Variants in EML2 observed in about 807,000 individuals in gnomAD.
EML2 encodes echinoderm microtubule-associated protein-like 2.
Under a neutral mutation model 84.7 loss-of-function variants are expected in EML2, and 59 were observed. That is an observed-to-expected ratio of 0.70 (90% CI 0.56 to 0.86). The LOEUF is 0.86. EML2 is among the 40% of genes least tolerant of loss of function. The probability of loss-of-function intolerance (pLI) is 0.00; values close to 1 mark genes in which losing one functional copy is unlikely to be tolerated. For missense variants in EML2, 818 were observed against 855.6 expected (o/e 0.96, Z 0.55); for synonymous variants, 352 against 348.9 (o/e 1.01, Z -0.10).
upstream of EML2, chr19:45,642,792 C>T: frequency 6.6e-6 from 1 of 152,566 alleles, no homozygotes; most frequent in African/African-American, 2.4e-5. Flanking sequence ...GAAACCCCGT[C>T]TCTACTAAAA....
At chr19:45,611,000 A>G (rs1035712706) in intron 18 of EML2, among the ~76,000 whole-genome samples, 1 of 152,212 alleles carries the variant, frequency 6.6e-6, no homozygotes, top group Non-Finnish European at 1.5e-5. Context: ...GTTCAAACAA[A>G]CCAACCATAG....
Position 45,626,380 on chromosome 19 carries a change from CTTTTTTTTTT to C in EML2, c.741+315_741+324del, listed in dbSNP as rs35850853. ...TCTTCATCCCTTTGAATCCTCACAA[CTTTTTTTTTT>C]TTTTTTTTTTTTTTTTTCTGAGATA... On this transcript the variant is annotated intron_variant, in intron 8 of 18. Coordinates refer to ENST00000245925, the MANE Select transcript of EML2 (RefSeq NM_012155.4). Among the ~76,000 whole-genome samples the C allele has an allele frequency of 7.6e-5, 6 of 79,450 alleles. 1 individual carries two copies. In the East Asian group the frequency reaches 1.8e-3, roughly 24 times the overall value. 52.1% of individuals were successfully genotyped at this position (79,450 alleles called of 152,430 possible). A position where few individuals can be genotyped will look rare whatever the true frequency, so the allele number is the denominator to read the frequency against.
Position 45,638,876 on chromosome 19 carries a change from G to A in EML2, c.21-3C>T. On this transcript the variant is annotated splice_region_variant and splice_polypyrimidine_tract_variant and intron_variant, in intron 1 of 18. Transcript: ENST00000245925. ...TGAAGATAACTTCTTTGGTTTTGCT[G>A]TCAGGAAAGGACAAAGAAAAAAAAA... is the stretch of plus-strand genomic sequence containing the variant. The A allele has an allele frequency of 2.5e-6, 4 of 1,613,462 alleles. No homozygotes were observed. Among genetic ancestry groups the A allele is most frequent in the Non-Finnish European group, 3.4e-6 (4 of 1,179,928 alleles).
chr19:45,641,682 C>G, upstream of EML2: 3 of 1,536,180 alleles, frequency 2.0e-6, no homozygotes, highest in South Asian at 1.2e-5. Flanking sequence ...AGGATGTGGT[C>G]CGGCTGCGGG....
chr19:45,610,110 A>G (rs1029626047), intron 18 of EML2, among the ~76,000 whole-genome samples: 1 of 152,202 alleles, frequency 6.6e-6, no homozygotes, highest in South Asian at 2.1e-4. Context: ...TTTAAGAACC[A>G]ACAGAGGCCA....
chr19:45,643,543 G>A, upstream of EML2: 4 of 1,535,486 alleles, frequency 2.6e-6, no homozygotes, highest in Non-Finnish European at 3.5e-6. Flanking sequence ...AGACCGAAGT[G>A]GCCCCTCTCC....
At chr19:45,616,329 C>T (rs968322702) in intron 15 of EML2, 132 bp downstream of exon 15, 14 of 671,714 alleles carry the variant, frequency 2.1e-5, no homozygotes, top group Non-Finnish European at 3.0e-5. Context: ...TGGACGTGGC[C>T]AAGACTCCTT....
chr19:45,613,752 A>C lies in EML2; in HGVS notation c.1694-81T>G, dbSNP rs1970736383. 52 of 1,549,654 alleles carry C rather than the reference A, an allele frequency of 3.4e-5. No individual in the cohort carries two copies. The South Asian group carries it at 5.9e-4, about 17-fold the overall frequency. On this transcript the variant is annotated intron_variant, in intron 17 of 18. Coordinates refer to ENST00000245925, the MANE Select transcript of EML2 (RefSeq NM_012155.4). Reference sequence around the variant, plus strand: ...AGAGGAGCAGATTGCCACTCCAGCCACCTTAATTTGTTCCGACCTAGCCTG... The same window carrying C: ...AGAGGAGCAGATTGCCACTCCAGCCCCCTTAATTTGTTCCGACCTAGCCTG...
At chr19:45,621,383 TG>T in intron 10 of EML2, 51 bp from the exon 11 acceptor site, 1 of 1,574,538 alleles carries the variant, frequency 6.4e-7, no homozygotes. Flanking sequence ...CGGGTGGGTG[TG>T]GGGTGACATA....
intron 9 of EML2, 31 bp downstream of exon 9, chr19:45,624,688 T>C: frequency 6.4e-7 from 1 of 1,559,072 alleles, no homozygotes; most frequent in Non-Finnish European, 8.8e-7. Flanking sequence ...GAAGACTGGA[T>C]TGGGAACCAA....
chr19:45,641,868 T>C (rs898344274), upstream of EML2: 2 of 1,473,728 alleles, frequency 1.4e-6, no homozygotes, highest in Non-Finnish European at 1.8e-6. Flanking sequence ...ACCACCTCTG[T>C]CTCCCACGAG....
chr19:45,639,526 C>T, upstream of EML2: 2 of 754,056 alleles, frequency 2.7e-6, no homozygotes, highest in East Asian at 3.4e-5. Flanking sequence ...TCACACATCC[C>T]GGGCTGTGGA....
Position 45,632,988 on chromosome 19 carries a change from C to T in EML2, c.400-17G>A. Reference sequence around the variant, plus strand: ...CGGCAGCGGCTGCAGGGAAGAGAGGCTTGTTACCTTGGGGGTGCCAGCTGC... The same window carrying T: ...CGGCAGCGGCTGCAGGGAAGAGAGGTTTGTTACCTTGGGGGTGCCAGCTGC... On this transcript the variant is annotated splice_polypyrimidine_tract_variant and intron_variant, in intron 5 of 18. Transcript: ENST00000245925. 1 of 1,610,104 alleles carries T rather than the reference C, an allele frequency of 6.2e-7. No individual in the cohort carries two copies. The highest frequency in any genetic ancestry group is 8.5e-7 in the Non-Finnish European group (1 of 1,178,808).
chr19:45,634,572 A>T (rs916641394), intron 3 of EML2, 101 bp from the exon 4 acceptor site: 372 of 925,540 alleles, frequency 4.0e-4, no homozygotes, highest in South Asian at 7.5e-4. Flanking sequence ...TTATTTATTT[A>T]TTTTTTTGAG....
chr19:45,609,836 C>A (rs760276339), intron 18 of EML2, 48 bp from the exon 19 acceptor site: 73 of 1,596,578 alleles, frequency 4.6e-5, no homozygotes, highest in Non-Finnish European at 5.9e-5. Flanking sequence ...GGGGACAATG[C>A]CACCCCATCA....
chr19:45,641,918 C>G (rs1182324082), upstream of EML2: 2 of 1,442,510 alleles, frequency 1.4e-6, no homozygotes, highest in African/African-American at 1.4e-5. Context: ...TGTGCCTTAC[C>G]TGCGCCCGGA....
Position 45,624,695 on chromosome 19 carries a change from C to A in EML2, c.841+24G>T, listed in dbSNP as rs771135544. On this transcript the variant is annotated intron_variant, in intron 9 of 18. Coordinates refer to ENST00000245925, the MANE Select transcript of EML2 (RefSeq NM_012155.4). The stretch of plus-strand genomic sequence containing the variant: ...GTGTTTCAGAAGACTGGATTGGGAA[C>A]CAAACAGATGGGGTGACACTGACCT... 3.2e-6 allele frequency: 5 copies of A among 1,586,792 alleles called. No homozygotes were observed. The Admixed American group carries it at 8.5e-5, about 27-fold the overall frequency.
intron 8 of EML2, 85 bp downstream of exon 8, chr19:45,626,620 C>T: frequency 6.8e-7 from 1 of 1,480,050 alleles, no homozygotes; most frequent in Non-Finnish European, 9.1e-7. Context: ...ACCCCTGCCA[C>T]CCTCTGGGGG....
At chr19:45,610,235 A>G (rs1411258966) in intron 18 of EML2, among the ~76,000 whole-genome samples, 1 of 151,904 alleles carries the variant, frequency 6.6e-6, no homozygotes, top group Admixed American at 6.6e-5. Flanking sequence ...GTTCTCTACT[A>G]AAAATATAAA....
Sources: allele counts gnomAD v4.1 joint callset (sites outside exome capture counted in the v4.1 genomes callset), GRCh38; gene constraint gnomAD v4.1.1; transcripts MANE v1.5; gene names NCBI Gene and HGNC (gene_info 2026-07-23, HGNC 2026-07-21).